The following RALYL variants were observed in gnomAD, a reference collection of about 807,000 sequenced individuals.
The protein encoded by RALYL is RNA-binding Raly-like protein.
In RALYL, 29 loss-of-function variants were observed where a neutral mutation model predicts 35.1. The observed-to-expected ratio is 0.83, with a 90% CI of 0.61 to 1.13. RALYL has a LOEUF of 1.13. RALYL is among the 50% of genes most tolerant of loss of function. The pLI, the probability that RALYL is intolerant of heterozygous loss-of-function variation, is 0.00. For synonymous variants in RALYL, 120 were observed against 127.6 expected (o/e 0.94, Z 0.40); for missense variants, 359 against 360.4 (o/e 1.00, Z 0.03).
chr8:84,702,537 TCTCACA>T lies in RALYL; in HGVS notation c.257-72040_257-72035del, dbSNP rs1391205384. 1.9e-3 allele frequency among the ~76,000 whole-genome samples: 270 copies of T among 143,700 alleles called. 1 individual carries two copies. Among genetic ancestry groups the T allele is most frequent in the African/African-American group, 6.6e-3 (255 of 38,440 alleles). 94.3% of individuals were successfully genotyped at this position (143,700 alleles called of 152,430 possible). A position where few individuals can be genotyped will look rare whatever the true frequency, so the allele number is the denominator to read the frequency against. On this transcript the variant is annotated intron_variant, in intron 2 of 8. Coordinates refer to ENST00000521268, the MANE Select transcript of RALYL (RefSeq NM_173848.7). ...GTTGCATAGTCTCTCTCTCTCTCTCTCTCACACACACACACACACACACACACACTC... is the reference window on the plus strand; with the variant it reads ...GTTGCATAGTCTCTCTCTCTCTCTCTCACACACACACACACACACACACTC...
intron 1 of RALYL, among the ~76,000 whole-genome samples, chr8:84,267,854 A>G (rs1833622348): frequency 6.6e-6 from 1 of 152,218 alleles, no homozygotes; most frequent in Admixed American, 6.5e-5. Context: ...CAGAGTTTAT[A>G]TAAATCCTAT....
chr8:84,585,861 C>G (rs147698793), intron 2 of RALYL, among the ~76,000 whole-genome samples: 51 of 152,136 alleles, frequency 3.4e-4, no homozygotes, highest in African/African-American at 1.2e-3. Context: ...AATGCTGAGA[C>G]TGGGATCAGG....
chr8:84,726,601 C>T (rs1405015188), intron 2 of RALYL, among the ~76,000 whole-genome samples: 1 of 151,632 alleles, frequency 6.6e-6, no homozygotes, highest in African/African-American at 2.4e-5. Context: ...CCATGCAAAA[C>T]CTTATAAAAT....
rs115984373 is a variant in RALYL at position 84,285,791 on chromosome 8, A to G, written c.-24+101367A>G. 2.7e-3 allele frequency among the ~76,000 whole-genome samples: 418 copies of G among 152,316 alleles called. 2 individuals are homozygous for G. Among genetic ancestry groups the G allele is most frequent in the African/African-American group, 9.4e-3 (392 of 41,578 alleles). ...CAAGGGAGAACAGCCAAAGGAAGTG[A>G]GGTCAGACTGAACAATACAGAAAAT... On this transcript the variant is annotated intron_variant, in intron 1 of 8. Transcript: ENST00000521268.
At chr8:84,280,240 G>C (rs1024080888) in intron 1 of RALYL, among the ~76,000 whole-genome samples, 1 of 152,044 alleles carries the variant, frequency 6.6e-6, no homozygotes, top group Non-Finnish European at 1.5e-5. Flanking sequence ...GAAAGCTTTT[G>C]ACAGCAAAAT....
At chr8:84,257,949 C>T (rs574653530) in intron 1 of RALYL, among the ~76,000 whole-genome samples, 48 of 152,148 alleles carry the variant, frequency 3.2e-4, no homozygotes, top group African/African-American at 1.2e-3. Flanking sequence ...TGGATAGTAA[C>T]AGGAAAATAT....
chr8:84,869,518 G>A (rs1258953704), intron 6 of RALYL, among the ~76,000 whole-genome samples: 1 of 152,078 alleles, frequency 6.6e-6, no homozygotes, highest in Non-Finnish European at 1.5e-5. Flanking sequence ...TCTAGAGCAG[G>A]GTTTCAATAG....
chr8:84,591,694 C>G (rs1382423147), intron 2 of RALYL, among the ~76,000 whole-genome samples: 1 of 152,162 alleles, frequency 6.6e-6, no homozygotes, highest in Non-Finnish European at 1.5e-5. Context: ...CCCAATATCA[C>G]TCATAAAATA....
intron 2 of RALYL, among the ~76,000 whole-genome samples, chr8:84,681,822 A>G (rs1372209787): frequency 4.6e-5 from 7 of 152,054 alleles, no homozygotes; most frequent in Admixed American, 2.0e-4. Flanking sequence ...CTAATTGAAT[A>G]CCCTTTATTT....
chr8:84,777,173 G>T (rs1817027937), intron 3 of RALYL, among the ~76,000 whole-genome samples: 1 of 152,162 alleles, frequency 6.6e-6, no homozygotes, highest in Admixed American at 6.5e-5. Context: ...ACAATAAAGG[G>T]TTTGTTCAAG....
At position 84,870,504 on chromosome 8, in the gene RALYL, T is replaced by A. The variant is rs188038652; in HGVS notation, c.572-2780T>A. Among the ~76,000 whole-genome samples the A allele has an allele frequency of 6.6e-5, 10 of 152,040 alleles. No homozygotes were observed. In the East Asian group the frequency reaches 1.9e-3, roughly 29 times the overall value. On this transcript the variant is annotated intron_variant, in intron 6 of 8. Coordinates refer to ENST00000521268, the MANE Select transcript of RALYL (RefSeq NM_173848.7). ...CAAGTTTTTTTTGTGGTAAAATTTATCTAGAGAAAAAGAGCAAAAGATATT... is the reference window on the plus strand; with the variant it reads ...CAAGTTTTTTTTGTGGTAAAATTTAACTAGAGAAAAAGAGCAAAAGATATT...
chr8:84,568,649 T>C (rs1277015552), intron 2 of RALYL, among the ~76,000 whole-genome samples: 1 of 137,042 alleles, frequency 7.3e-6, no homozygotes, highest in Non-Finnish European at 1.6e-5. Context: ...ATGGTTGAAC[T>C]AGTTTACAGT....
intron 1 of RALYL, among the ~76,000 whole-genome samples, chr8:84,460,031 C>T (rs928682717): frequency 1.3e-5 from 2 of 151,614 alleles, no homozygotes; most frequent in African/African-American, 2.4e-5. Context: ...GAAGTGTAGT[C>T]GAAGCAATGA....
Position 84,749,137 on chromosome 8 carries a change from T to C in RALYL, c.257-25442T>C, listed in dbSNP as rs548976043. ...ATCACAAATGTTCAAAAAATGCAGA[T>C]TGAAATCCAGACACAGGAATCCTTT... On this transcript the variant is annotated intron_variant, in intron 2 of 8. Coordinates refer to ENST00000521268, the MANE Select transcript of RALYL (RefSeq NM_173848.7). Among the ~76,000 whole-genome samples, 15 of 152,270 alleles carry C rather than the reference T, an allele frequency of 9.9e-5. No homozygotes were observed. The East Asian group carries it at 2.7e-3, about 27-fold the overall frequency.
chr8:84,583,466 A>T (rs964725614), intron 2 of RALYL, among the ~76,000 whole-genome samples: 11 of 152,290 alleles, frequency 7.2e-5, no homozygotes, highest in African/African-American at 2.4e-4. Context: ...AATAATTTTC[A>T]GATATCATGT....
chr8:84,574,472 A>G (rs1808826975), intron 2 of RALYL, among the ~76,000 whole-genome samples: 1 of 152,038 alleles, frequency 6.6e-6, no homozygotes, highest in Non-Finnish European at 1.5e-5. Flanking sequence ...TTTGCCCAAG[A>G]TATTCCATGT....
In RALYL at chr8:84,486,924, G is replaced by A. The variant is rs1479097; in HGVS notation, c.-23-42375G>A. ...TGTTGTACAGTAGATCTCTAGAATCGATTCATCTTGTATCATTGAGACTTT... is the reference window on the plus strand; with the variant it reads ...TGTTGTACAGTAGATCTCTAGAATCAATTCATCTTGTATCATTGAGACTTT... On this transcript the variant is annotated intron_variant, in intron 1 of 8. Coordinates refer to ENST00000521268, the MANE Select transcript of RALYL (RefSeq NM_173848.7). Among the ~76,000 whole-genome samples the A allele has an allele frequency of 4.0e-3, 608 of 152,082 alleles. 2 individuals carry two copies. The highest frequency in any genetic ancestry group is 6.8e-3 in the Middle Eastern group (2 of 294).
chr8:84,708,665 C>CATATATA (rs1321770388), intron 2 of RALYL, among the ~76,000 whole-genome samples: 1 of 151,936 alleles, frequency 6.6e-6, no homozygotes, highest in African/African-American at 2.4e-5. Flanking sequence ...AGTTTTTATA[C>CATATATA]ATATATAATA....
At chr8:84,386,755 A>G (rs190038806) in intron 1 of RALYL, among the ~76,000 whole-genome samples, 2 of 151,946 alleles carry the variant, frequency 1.3e-5, no homozygotes, top group African/African-American at 4.8e-5. Flanking sequence ...GGAATGTTGC[A>G]AGGCCTTTCA....
Sources: gnomAD v4.1 joint callset for allele counts (sites outside exome capture counted in the v4.1 genomes callset) on GRCh38, gnomAD v4.1.1 for gene constraint, MANE v1.5 for transcripts, NCBI Gene and HGNC (gene_info 2026-07-23, HGNC 2026-07-21) for gene names.